Variants in SHANK2 observed in about 807,000 individuals in gnomAD.
SHANK2 encodes the protein SH3 and multiple ankyrin repeat domains 2, also known as SH3 and multiple ankyrin repeat domains protein 2.
SHANK2 carries 43 observed loss-of-function variants against 133.7 expected under a neutral mutation model. The ratio of observed to expected loss-of-function variants is 0.32; its 90% CI spans 0.25 to 0.41. The LOEUF (loss-of-function observed/expected upper bound fraction) is 0.41, where lower values mean the gene tolerates loss of function less well. Among genes scored for constraint, SHANK2 ranks in the 10% least tolerant of loss-of-function variants. The pLI is 1.00. For synonymous variants in SHANK2, 1,017 were observed against 952.8 expected, an observed-to-expected ratio of 1.07 and a Z score of -1.24; for missense variants, 1,994 against 2,235.8, an observed-to-expected ratio of 0.89 and a Z score of 2.18.
intron 14 of SHANK2, among the ~76,000 whole-genome samples, chr11:70,736,609 T>C (rs563731096): frequency 3.3e-5 from 5 of 152,258 alleles, no homozygotes; most frequent in African/African-American, 1.2e-4. Context: ...CCCTAGCAAC[T>C]GTGGAGGGAG....
intron 17 of SHANK2, among the ~76,000 whole-genome samples, chr11:70,544,581 G>A (rs906522947): frequency 5.9e-5 from 9 of 152,266 alleles, no homozygotes; most frequent in Non-Finnish European, 8.8e-5. Context: ...GGGCCACCCC[G>A]CCCTCAGGTC....
intron 9 of SHANK2, among the ~76,000 whole-genome samples, chr11:71,065,165 A>G (rs1951032761): frequency 1.3e-5 from 2 of 152,178 alleles, no homozygotes; most frequent in Admixed American, 1.3e-4. Context: ...TGTGTCAGTG[A>G]GACAACAGCC....
chr11:70,736,947 G>T (rs1330367923), intron 14 of SHANK2, among the ~76,000 whole-genome samples: 3 of 152,182 alleles, frequency 2.0e-5, no homozygotes, highest in Non-Finnish European at 2.9e-5. Context: ...GAACCTGGGG[G>T]TTCTGAAACG....
At chr11:70,897,776 C>T (rs1006128504) in intron 10 of SHANK2, among the ~76,000 whole-genome samples, 1 of 152,216 alleles carries the variant, frequency 6.6e-6, no homozygotes, top group South Asian at 2.1e-4. Context: ...CTCAAAGGAC[C>T]TTTCCTTTAG....
chr11:71,250,311 G>C (rs1555125639), intron 1 of SHANK2, among the ~76,000 whole-genome samples: 1 of 152,160 alleles, frequency 6.6e-6, no homozygotes, highest in African/African-American at 2.4e-5. Context: ...AGGAAAACAA[G>C]GAATTCCTGG....
intron 1 of SHANK2, among the ~76,000 whole-genome samples, chr11:71,248,648 C>T (rs1555125361): frequency 6.6e-6 from 1 of 152,206 alleles, no homozygotes; most frequent in Non-Finnish European, 1.5e-5. Context: ...AGTCTCACTA[C>T]CTGCGCTGCA....
chr11:70,632,922 C>G (rs2061016535), intron 17 of SHANK2, among the ~76,000 whole-genome samples: 1 of 152,016 alleles, frequency 6.6e-6, no homozygotes, highest in Non-Finnish European at 1.5e-5. Flanking sequence ...AGCCTGGGCC[C>G]CTTTAATCCC....
At chr11:71,099,538 T>C (rs148884174) in intron 6 of SHANK2, among the ~76,000 whole-genome samples, 12 of 152,290 alleles carry the variant, frequency 7.9e-5, no homozygotes, top group African/African-American at 2.9e-4. Flanking sequence ...ATGTAAAAAA[T>C]GCTGCTGCTC....
intron 9 of SHANK2, among the ~76,000 whole-genome samples, chr11:71,072,407 G>T (rs1951155023): frequency 6.6e-6 from 1 of 152,192 alleles, no homozygotes; most frequent in Non-Finnish European, 1.5e-5. Flanking sequence ...CAGAGGGCAG[G>T]GCTCACATCC....
chr11:70,893,707 G>C (rs954595177), intron 11 of SHANK2, among the ~76,000 whole-genome samples: 2 of 152,138 alleles, frequency 1.3e-5, no homozygotes, highest in African/African-American at 4.8e-5. Context: ...GGCAAGTATA[G>C]ATTTTCTAAA....
intron 14 of SHANK2, among the ~76,000 whole-genome samples, chr11:70,726,815 A>G (rs1456203781): frequency 6.6e-6 from 1 of 152,198 alleles, no homozygotes; most frequent in Non-Finnish European, 1.5e-5. Flanking sequence ...ACCAGTTCTG[A>G]GTCTAGACTC....
chr11:70,556,232 A>G (rs2059827246), intron 17 of SHANK2, among the ~76,000 whole-genome samples: 1 of 152,134 alleles, frequency 6.6e-6, no homozygotes. Flanking sequence ...ATTTCTTTTC[A>G]TTGCTGAATA....
Position 70,926,224 on chromosome 11 carries a change from A to T in SHANK2, c.1108-29657T>A, listed in dbSNP as rs192684344. 2.6e-3 allele frequency among the ~76,000 whole-genome samples: 391 copies of T among 152,312 alleles called. 2 individuals are homozygous for T. The highest frequency in any genetic ancestry group is 9.3e-3 in the African/African-American group (386 of 41,574). ...GGAGTTCGAGACCAGCCTGGGCAAC[A>T]GAGTGAGACTCCATCTCTACAAAAT... On this transcript the variant is annotated intron_variant, in intron 10 of 25. Transcript: ENST00000601538.
At chr11:70,576,703 G>T (rs1415577475) in intron 17 of SHANK2, among the ~76,000 whole-genome samples, 1 of 152,194 alleles carries the variant, frequency 6.6e-6, no homozygotes, top group Non-Finnish European at 1.5e-5. Flanking sequence ...CCAGCCTGAA[G>T]AAGCTACCTG....
rs996131243 is a variant in SHANK2, at chr11:70,575,374, C to G, written c.2062-72443G>C. Among the ~76,000 whole-genome samples, 45 of 152,062 alleles carry G rather than the reference C, an allele frequency of 3.0e-4. 1 individual carries two copies. Among genetic ancestry groups the G allele is most frequent in the Non-Finnish European group, 5.3e-4 (36 of 68,014 alleles). On this transcript the variant is annotated intron_variant, in intron 17 of 25. Transcript: ENST00000601538. ...TAAAAATACACACACAAAAAATCAG[C>G]TGGGCATGGTGGTGGGTGCCTGTAA...
chr11:71,249,304 C>T (rs2135839197), intron 1 of SHANK2, among the ~76,000 whole-genome samples: 1 of 152,290 alleles, frequency 6.6e-6, no homozygotes, highest in Non-Finnish European at 1.5e-5. Context: ...ACAAATTCCC[C>T]AGTCTATAGA....
intron 17 of SHANK2, among the ~76,000 whole-genome samples, chr11:70,504,662 A>T (rs1554967993): frequency 3.9e-5 from 6 of 152,178 alleles, no homozygotes; most frequent in African/African-American, 1.4e-4. Context: ...AGAGAGGCCC[A>T]CCTACAGCGG....
At chr11:70,580,928 C>G (rs2060176840) in intron 17 of SHANK2, among the ~76,000 whole-genome samples, 1 of 152,222 alleles carries the variant, frequency 6.6e-6, no homozygotes, top group South Asian at 2.1e-4. Context: ...ACACCCCACA[C>G]TCCTCTGTCA....
chr11:71,069,751 T>C, intron 9 of SHANK2, among the ~76,000 whole-genome samples: 1 of 152,202 alleles, frequency 6.6e-6, no homozygotes, highest in Non-Finnish European at 1.5e-5. Flanking sequence ...CAGACCACCA[T>C]GCCTCTTTGA....
Sources: allele counts gnomAD v4.1 joint callset (sites outside exome capture counted in the v4.1 genomes callset), GRCh38; gene constraint gnomAD v4.1.1; transcripts MANE v1.5; gene names NCBI Gene and HGNC (gene_info 2026-07-23, HGNC 2026-07-21).